Variants in RBFOX1 observed in about 807,000 individuals in gnomAD.
RBFOX1 encodes the protein RNA binding fox-1 homolog 1.
RBFOX1 carries 8 observed loss-of-function variants against 57.7 expected under a neutral mutation model. The observed-to-expected ratio is 0.14, with a 90% CI of 0.08 to 0.25. The LOEUF is 0.25. RBFOX1 is among the 10% of genes least tolerant of loss of function. The pLI, the probability that RBFOX1 is intolerant of heterozygous loss-of-function variation, is 1.00. For synonymous variants in RBFOX1, 326 were observed against 222.4 expected, an observed-to-expected ratio of 1.47 and a Z score of -4.15; for missense variants, 611 against 548.5, an observed-to-expected ratio of 1.11 and a Z score of -1.14.
chr16:6,244,473 A>G lies in RBFOX1; in HGVS notation c.-126-72522A>G, dbSNP rs963994799. 2.0e-5 allele frequency among the ~76,000 whole-genome samples: 3 copies of G among 152,248 alleles called. No homozygotes were observed. In the South Asian group the frequency reaches 6.2e-4, roughly 32 times the overall value. On this transcript the variant is annotated intron_variant, in intron 1 of 15. Coordinates refer to ENST00000550418, the MANE Select transcript of RBFOX1 (RefSeq NM_018723.4). ...CATCTAGCAGGTTTTACAGTTGGGT[A>G]TCCAAGTTTGGCGTGTGTCTCTGTA...
At chr16:6,062,302 C>G (rs892617513) in intron 1 of RBFOX1, among the ~76,000 whole-genome samples, 1 of 152,058 alleles carries the variant, frequency 6.6e-6, no homozygotes, top group Non-Finnish European at 1.5e-5. Flanking sequence ...CCCCCCTGCC[C>G]TCTCAAGAGG....
intron 5 of RBFOX1, among the ~76,000 whole-genome samples, chr16:7,570,967 C>G (rs934750252): frequency 6.6e-6 from 1 of 152,116 alleles, no homozygotes; most frequent in East Asian, 1.9e-4. Flanking sequence ...TTATACTCAG[C>G]AAACTGATGC....
At chr16:5,521,002 C>G (rs2043990546) in intron 2 of RBFOX1, among the ~76,000 whole-genome samples, 1 of 152,144 alleles carries the variant, frequency 6.6e-6, no homozygotes, top group South Asian at 2.1e-4. Flanking sequence ...TTGTTAAAGT[C>G]CATGGAGATT....
At chr16:7,273,552 C>T (rs2095381617) in intron 4 of RBFOX1, among the ~76,000 whole-genome samples, 2 of 152,184 alleles carry the variant, frequency 1.3e-5, no homozygotes, top group Admixed American at 1.3e-4. Context: ...AGTGGGTTAA[C>T]CTCTTTGTGC....
intron 11 of RBFOX1, among the ~76,000 whole-genome samples, chr16:7,631,144 TC>T (rs2060885221): frequency 6.7e-6 from 1 of 150,344 alleles, no homozygotes; most frequent in Non-Finnish European, 1.5e-5. Flanking sequence ...GGCTGTTCTG[TC>T]CTTTGCTATG....
chr16:6,455,876 C>G (rs891819735), intron 2 of RBFOX1, among the ~76,000 whole-genome samples: 5 of 151,974 alleles, frequency 3.3e-5, no homozygotes, highest in African/African-American at 1.2e-4. Context: ...ACGTGGTGAG[C>G]CTAGTAATGA....
intron 1 of RBFOX1, among the ~76,000 whole-genome samples, chr16:6,080,527 G>A (rs1426049283): frequency 1.3e-5 from 2 of 152,168 alleles, no homozygotes; most frequent in Non-Finnish European, 2.9e-5. Flanking sequence ...ATTGATTGAA[G>A]AAACTTACAA....
At chr16:6,173,480 C>T (rs1033925210) in intron 1 of RBFOX1, among the ~76,000 whole-genome samples, 1 of 152,170 alleles carries the variant, frequency 6.6e-6, no homozygotes, top group Admixed American at 6.5e-5. Context: ...GACACACACA[C>T]ACTCCACTCA....
intron 3 of RBFOX1, among the ~76,000 whole-genome samples, chr16:5,832,089 A>C (rs553134102): frequency 6.6e-6 from 1 of 152,354 alleles, no homozygotes; most frequent in South Asian, 2.1e-4. Context: ...GAGGCAGGGC[A>C]TAGCTGAGGG....
intron 4 of RBFOX1, among the ~76,000 whole-genome samples, chr16:7,457,086 C>G (rs1005774544): frequency 1.3e-5 from 2 of 151,976 alleles, no homozygotes; most frequent in African/African-American, 4.8e-5. Flanking sequence ...GGGGTTTCTC[C>G]GTGTTGGTCA....
intron 1 of RBFOX1, among the ~76,000 whole-genome samples, chr16:5,246,446 T>A (rs2062302289): frequency 6.6e-6 from 1 of 152,162 alleles, no homozygotes; most frequent in East Asian, 1.9e-4. Context: ...CTCCTCGACT[T>A]ATTTTTTTGT....
At chr16:6,996,296 A>C (rs150695683) in intron 3 of RBFOX1, among the ~76,000 whole-genome samples, 286 of 152,254 alleles carry the variant, frequency 1.9e-3, no homozygotes, top group Non-Finnish European at 2.7e-3. Context: ...TTAGAATAAC[A>C]CTGAACTAGT....
At chr16:6,922,956 C>A (rs748079660) in intron 3 of RBFOX1, among the ~76,000 whole-genome samples, 1 of 152,116 alleles carries the variant, frequency 6.6e-6, no homozygotes, top group Non-Finnish European at 1.5e-5. Flanking sequence ...CAGAACATAT[C>A]CAAATCAGAT....
chr16:6,640,781 A>G (rs1602378027), intron 2 of RBFOX1, among the ~76,000 whole-genome samples: 1 of 152,234 alleles, frequency 6.6e-6, no homozygotes, highest in East Asian at 1.9e-4. Flanking sequence ...TTTTTCCTTC[A>G]GTTGGCCTTG....
chr16:7,520,226 AT>A (rs2077243234), intron 5 of RBFOX1, among the ~76,000 whole-genome samples: 2 of 152,170 alleles, frequency 1.3e-5, no homozygotes, highest in African/African-American at 2.4e-5. Flanking sequence ...ACATTCTGAA[AT>A]TTTTAGTTGC....
intron 2 of RBFOX1, among the ~76,000 whole-genome samples, chr16:6,623,734 G>A (rs1741204146): frequency 6.6e-6 from 1 of 152,008 alleles, no homozygotes; most frequent in African/African-American, 2.4e-5. Context: ...TGAGAATGAT[G>A]GTTTCCAGCT....
At chr16:7,625,272 G>T (rs1001585329) in intron 10 of RBFOX1, among the ~76,000 whole-genome samples, 1 of 152,162 alleles carries the variant, frequency 6.6e-6, no homozygotes, top group Non-Finnish European at 1.5e-5. Context: ...CACATTGAGT[G>T]AACCCTGTTC....
intron 2 of RBFOX1, among the ~76,000 whole-genome samples, chr16:5,500,227 GTTCCA>G (rs1246233633): frequency 1.5e-5 from 2 of 129,592 alleles, no homozygotes; most frequent in African/African-American, 2.8e-5. Flanking sequence ...GTTCCGTTCC[GTTCCA>G]TTCCATTCCA....
At chr16:6,783,673 C>T (rs1003667054) in intron 3 of RBFOX1, among the ~76,000 whole-genome samples, 1 of 151,994 alleles carries the variant, frequency 6.6e-6, no homozygotes, top group South Asian at 2.1e-4. Context: ...GATATGAGGG[C>T]TTTACATACA....
Sources: allele counts gnomAD v4.1 joint callset (sites outside exome capture counted in the v4.1 genomes callset), GRCh38; gene constraint gnomAD v4.1.1; transcripts MANE v1.5; gene names NCBI Gene and HGNC (gene_info 2026-07-23, HGNC 2026-07-21).